Variants in FSTL5 observed in about 807,000 individuals in gnomAD.
FSTL5 encodes follistatin like 5, also known as follistatin-related protein 5.
In FSTL5, 62 loss-of-function variants were observed where a neutral mutation model predicts 89.1. The observed-to-expected ratio is 0.70, with a 90% CI of 0.57 to 0.86. FSTL5 has a LOEUF of 0.86. Ranked by LOEUF, FSTL5 falls within the 40% of genes least tolerant of loss-of-function variation. FSTL5 has a pLI of 0.00. For missense variants in FSTL5, 1,057 were observed against 1,001.6 expected (o/e 1.06, Z -0.75); for synonymous variants, 383 against 346.2 (o/e 1.11, Z -1.18).
intron 10 of FSTL5, among the ~76,000 whole-genome samples, chr4:161,537,456 G>T (rs946956219): frequency 2.0e-5 from 3 of 152,142 alleles, no homozygotes; most frequent in African/African-American, 7.2e-5. Flanking sequence ...CTTGATAAAT[G>T]CTATAATAGT....
intron 3 of FSTL5, among the ~76,000 whole-genome samples, chr4:161,961,921 T>C (rs1235929486): frequency 6.6e-6 from 1 of 151,762 alleles, no homozygotes; most frequent in East Asian, 1.9e-4. Flanking sequence ...ATGTGTTTTA[T>C]GAACTCAAAT....
Position 161,977,276 on chromosome 4 carries a change from A to T in FSTL5, c.160+56349T>A, listed in dbSNP as rs568653172. On this transcript the variant is annotated intron_variant, in intron 3 of 15. Coordinates refer to ENST00000306100, the MANE Select transcript of FSTL5 (RefSeq NM_020116.5). ...AACCCTACATTCAAAATTCATTTAAATGGTTAATTTTATGTTACGCATATT... is the reference window on the plus strand; with the variant it reads ...AACCCTACATTCAAAATTCATTTAATTGGTTAATTTTATGTTACGCATATT... Among the ~76,000 whole-genome samples the T allele has an allele frequency of 2.2e-4, 33 of 152,296 alleles. No individual in the cohort carries two copies. The South Asian group carries it at 2.9e-3, about 13-fold the overall frequency.
intron 4 of FSTL5, among the ~76,000 whole-genome samples, chr4:161,918,389 C>T (rs1409813104): frequency 6.6e-6 from 1 of 152,050 alleles, no homozygotes; most frequent in Non-Finnish European, 1.5e-5. Context: ...ATAACCCAGA[C>T]AGTATAAATG....
intron 8 of FSTL5, among the ~76,000 whole-genome samples, chr4:161,545,515 T>C (rs1731974520): frequency 6.6e-6 from 1 of 152,028 alleles, no homozygotes; most frequent in East Asian, 1.9e-4. Flanking sequence ...ACTCCAAAAC[T>C]TCTGGGAAGC....
intron 1 of FSTL5, among the ~76,000 whole-genome samples, chr4:162,128,685 G>A (rs530486917): frequency 6.6e-6 from 1 of 152,214 alleles, no homozygotes; most frequent in South Asian, 2.1e-4. Flanking sequence ...CAATATCATA[G>A]AAGATGAGGA....
intron 6 of FSTL5, among the ~76,000 whole-genome samples, chr4:161,666,020 A>G (rs1437064675): frequency 1.3e-5 from 2 of 152,126 alleles, no homozygotes; most frequent in African/African-American, 4.8e-5. Context: ...ACAAGACACA[A>G]ATGAATTCTC....
At chr4:161,888,495 A>G (rs1732884983) in intron 4 of FSTL5, among the ~76,000 whole-genome samples, 1 of 152,224 alleles carries the variant, frequency 6.6e-6, no homozygotes, top group African/African-American at 2.4e-5. Flanking sequence ...AGCAAGTAGC[A>G]TACTTGACTA....
intron 3 of FSTL5, among the ~76,000 whole-genome samples, chr4:161,934,804 G>T (rs1734387340): frequency 2.6e-5 from 4 of 152,106 alleles, no homozygotes; most frequent in African/African-American, 9.6e-5. Flanking sequence ...CTTAATGTCT[G>T]CTATCATTAA....
chr4:161,885,984 T>C (rs769133718), intron 4 of FSTL5, among the ~76,000 whole-genome samples: 2 of 151,324 alleles, frequency 1.3e-5, no homozygotes, highest in Non-Finnish European at 2.9e-5. Context: ...CTTAACTAGA[T>C]CTTATTTTTC....
chr4:162,076,589 T>A (rs2111322950), intron 2 of FSTL5, among the ~76,000 whole-genome samples: 1 of 151,912 alleles, frequency 6.6e-6, no homozygotes, highest in South Asian at 2.1e-4. Context: ...CCATCTGAGG[T>A]TATTTGGGAT....
At chr4:161,851,285 G>A (rs1731540841) in intron 4 of FSTL5, among the ~76,000 whole-genome samples, 1 of 152,120 alleles carries the variant, frequency 6.6e-6, no homozygotes, top group Non-Finnish European at 1.5e-5. Flanking sequence ...AAAGATAGAA[G>A]CTACTGTCTC....
intron 3 of FSTL5, among the ~76,000 whole-genome samples, chr4:161,935,271 TA>T (rs1734400840): frequency 6.6e-6 from 1 of 152,110 alleles, no homozygotes; most frequent in Non-Finnish European, 1.5e-5. Context: ...TAGTAATTCC[TA>T]TCATTTTTGC....
At chr4:161,409,679 C>T (rs1393251497) in intron 15 of FSTL5, among the ~76,000 whole-genome samples, 1 of 152,146 alleles carries the variant, frequency 6.6e-6, no homozygotes, top group Non-Finnish European at 1.5e-5. Context: ...CGCACCCAGA[C>T]AGGAATATGT....
intron 6 of FSTL5, among the ~76,000 whole-genome samples, chr4:161,679,568 T>C (rs1737447590): frequency 2.6e-5 from 4 of 151,702 alleles, no homozygotes; most frequent in Admixed American, 2.6e-4. Flanking sequence ...GGGGGAAAAA[T>C]ACAGTAGAAT....
At chr4:161,853,358 C>T (rs1008320560) in intron 4 of FSTL5, among the ~76,000 whole-genome samples, 1 of 152,028 alleles carries the variant, frequency 6.6e-6, no homozygotes, top group Admixed American at 6.6e-5. Context: ...ACCTCCGCTT[C>T]CTGGGTTCAA....
chr4:161,554,478 T>G (rs1732321635), intron 8 of FSTL5, among the ~76,000 whole-genome samples: 2 of 151,598 alleles, frequency 1.3e-5, no homozygotes, highest in Non-Finnish European at 3.0e-5. Context: ...TAGAAGTTTC[T>G]GCATTATTGC....
chr4:161,658,738 C>T (rs146402694), intron 6 of FSTL5, among the ~76,000 whole-genome samples: 1 of 152,068 alleles, frequency 6.6e-6, no homozygotes, highest in Admixed American at 6.5e-5. Flanking sequence ...AAAGTGAGAA[C>T]ATTATAAAAG....
intron 2 of FSTL5, among the ~76,000 whole-genome samples, chr4:162,060,395 A>AT (rs1291290796): frequency 6.6e-6 from 1 of 152,114 alleles, no homozygotes; most frequent in African/African-American, 2.4e-5. Flanking sequence ...TTTCTCTAAT[A>AT]TAATTTTAGA....
At chr4:162,104,186 G>A (rs1178520310) in intron 2 of FSTL5, among the ~76,000 whole-genome samples, 2 of 152,154 alleles carry the variant, frequency 1.3e-5, no homozygotes, top group African/African-American at 4.8e-5. Flanking sequence ...ACTCCCTATT[G>A]GGCTAAAGGC....
Sources: allele counts gnomAD v4.1 joint callset (sites outside exome capture counted in the v4.1 genomes callset), GRCh38; gene constraint gnomAD v4.1.1; transcripts MANE v1.5; gene names NCBI Gene and HGNC (gene_info 2026-07-23, HGNC 2026-07-21).